The following COL17A1 variants were observed in gnomAD, a reference collection of about 807,000 sequenced individuals.
The protein encoded by COL17A1 is collagen type XVII alpha 1 chain, also known as collagen alpha-1(XVII) chain.
In COL17A1, 181 loss-of-function variants were observed where a neutral mutation model predicts 218.4. The ratio of observed to expected loss-of-function variants is 0.83; its 90% confidence interval spans 0.73 to 0.94. The LOEUF is 0.94. Among genes scored for constraint, COL17A1 ranks in the 40% least tolerant of loss-of-function variants. The pLI is 0.00. For missense variants in COL17A1, 1,924 were observed against 1,945.9 expected (o/e 0.99, Z 0.21); for synonymous variants, 721 against 731.0 (o/e 0.99, Z 0.22).
Position 104,046,777 on chromosome 10 carries a change from C to T in COL17A1, c.2336-4G>A. On this transcript the variant is annotated splice_polypyrimidine_tract_variant and splice_region_variant and intron_variant, in intron 31 of 55. Transcript: ENST00000648076. ...GGTCCCTGGGGTCCTGTGAGACCTG[C>T]AGAAAATCAGACACAAGAGGGAAGA... The T allele has an allele frequency of 2.5e-6, 4 of 1,613,786 alleles. No homozygotes were observed. The highest frequency in any genetic ancestry group is 3.4e-6 in the Non-Finnish European group (4 of 1,179,844).
chr10:104,034,378 G>T, intron 51 of COL17A1, 44 bp from the exon 52 acceptor site: 1 of 1,530,144 alleles, frequency 6.5e-7, no homozygotes, highest in South Asian at 1.2e-5. Context: ...AGATCTCGGT[G>T]GAGAGAAAGA....
In COL17A1 at chr10:104,056,996, G is replaced by C; in HGVS notation, c.1444C>G (p.Leu482Val). The C allele has an allele frequency of 6.3e-7, 1 of 1,584,444 alleles. No individual in the cohort carries two copies. Among genetic ancestry groups the C allele is most frequent in the Non-Finnish European group, 8.6e-7 (1 of 1,165,810 alleles). ...LLTWLLLLGL[L>V]FGLIALAEEV... The stretch of plus-strand genomic sequence containing the variant: ...GTACCCAGAGCAATGAGGCCGAAGA[G>C]CAGCCCCAGGAGTAGCAGCCAGGTG... Residue 482 changes from leucine (L) to valine (V), a missense_variant, in exon 17 of 56, where the codon CTC becomes GTC. Coordinates refer to ENST00000648076, the MANE Select transcript of COL17A1 (RefSeq NM_000494.4).
chr10:104,074,080 C>T, intron 6 of COL17A1, 104 bp downstream of exon 6: 1 of 1,566,118 alleles, frequency 6.4e-7, no homozygotes, highest in Non-Finnish European at 8.8e-7. Flanking sequence ...TTAGAAGAAT[C>T]CATTTAACTC....
At chr10:104,042,338 A>G in intron 36 of COL17A1, 82 bp downstream of exon 36, 2 of 1,448,192 alleles carry the variant, frequency 1.4e-6, no homozygotes, top group Non-Finnish European at 1.9e-6. Flanking sequence ...GTCATCTAGA[A>G]CAGAGAGGCC....
intron 23 of COL17A1, 136 bp downstream of exon 23, chr10:104,052,895 C>A (rs913362004): frequency 3.6e-6 from 4 of 1,115,540 alleles, no homozygotes; most frequent in Non-Finnish European, 5.4e-6. Context: ...CTAGCACAGA[C>A]CCTGACTCAG....
At chr10:104,057,266 G>T in intron 16 of COL17A1, 94 bp from the exon 17 acceptor site, 1 of 1,596,796 alleles carries the variant, frequency 6.3e-7, no homozygotes, top group Non-Finnish European at 8.6e-7. Context: ...TGGCCTGAGT[G>T]ACTACGACTG....
intron 12 of COL17A1, among the ~76,000 whole-genome samples, chr10:104,061,798 A>G (rs923886355): frequency 3.3e-5 from 5 of 152,052 alleles, no homozygotes; most frequent in Admixed American, 2.6e-4. Context: ...TCGTTGTCTC[A>G]TGTGTGTTAG....
chr10:104,069,466 G>C (rs949382720), intron 9 of COL17A1, among the ~76,000 whole-genome samples: 1 of 152,132 alleles, frequency 6.6e-6, no homozygotes, highest in Non-Finnish European at 1.5e-5. Flanking sequence ...GAAAGAATAA[G>C]TCAAATTCTC....
rs1044660711 is a variant in COL17A1 at position 104,085,810 on chromosome 10, G to T, written c.-99C>A. The T allele has an allele frequency of 6.6e-6, 1 of 152,536 alleles. No homozygotes were observed. Among genetic ancestry groups the T allele is most frequent in the Non-Finnish European group, 1.5e-5 (1 of 68,016 alleles). 9.4% of individuals were successfully genotyped at this position (152,536 alleles called of 1,614,324 possible). On this transcript the variant is annotated 5_prime_UTR_variant, in exon 1 of 56. Transcript: ENST00000648076. ...TCCTGATGTTTTCTTCTAGAAATTT[G>T]CAGTGCTCACTTTTTTTTTATCCAG...
In COL17A1 at chr10:104,064,714, T is replaced by TCAGGAACTTTCTCAGTC. The variant is rs2086612715; in HGVS notation, c.608-135_608-119dup. 7 of 947,622 alleles carry TCAGGAACTTTCTCAGTC rather than the reference T, an allele frequency of 7.4e-6. No homozygotes were observed. In the South Asian group the frequency reaches 8.4e-5, roughly 11 times the overall value. 58.7% of individuals were successfully genotyped at this position (947,622 alleles called of 1,614,324 possible). A position where few individuals can be genotyped will look rare whatever the true frequency, so the allele number is the denominator to read the frequency against. On this transcript the variant is annotated intron_variant, in intron 9 of 55. Transcript: ENST00000648076. ...GTTTGGGCATTGAAAGCCCCACATT[T>TCAGGAACTTTCTCAGTC]CAGGAACTTTCTCAGTCCAGGAACC...
At position 104,035,339 on chromosome 10, in the gene COL17A1, A is replaced by G. The variant is rs2086266637; in HGVS notation, c.3543T>C (p.Gly1181=). The G allele has an allele frequency of 6.2e-7, 1 of 1,614,010 alleles. No homozygotes were observed. Among genetic ancestry groups the G allele is most frequent in the African/African-American group, 1.3e-5 (1 of 74,922 alleles). ...CTGGGATCCCTGGTGGACCCGGGGG[A>G]CCTGGGGGTCCAACGATGCCTCTGA... is the stretch of plus-strand genomic sequence containing the variant. ...SEFRGIVGPP[G]PPGPPGIPGN... The change falls in exon 50 of 56, where the codon GGT becomes GGC. Residue 1181 remains glycine, a synonymous_variant. Transcript: ENST00000648076.
At chr10:104,052,499 A>G (rs2086479242) in intron 23 of COL17A1, among the ~76,000 whole-genome samples, 2 of 152,204 alleles carry the variant, frequency 1.3e-5, no homozygotes, top group South Asian at 4.1e-4. Context: ...CTTCCTGCTC[A>G]CAGTCTGTTA....
At chr10:104,036,433 C>T (rs999440204) in intron 48 of COL17A1, 59 bp downstream of exon 48, 11 of 1,609,218 alleles carry the variant, frequency 6.8e-6, no homozygotes, top group Admixed American at 6.7e-5. Context: ...GTTCACGCTG[C>T]GAGTCCTCAT....
intron 7 of COL17A1, 30 bp downstream of exon 7, chr10:104,073,180 A>G (rs2086682146): frequency 5.6e-6 from 9 of 1,605,186 alleles, no homozygotes; most frequent in Non-Finnish European, 7.7e-6. Context: ...TTGTTGAATG[A>G]ATTGGACTGA....
At chr10:104,080,277 T>A (rs2086753436) in intron 2 of COL17A1, among the ~76,000 whole-genome samples, 1 of 152,222 alleles carries the variant, frequency 6.6e-6, no homozygotes, top group African/African-American at 2.4e-5. Context: ...ATAACTAGGA[T>A]GTTATTCGTT....
intron 6 of COL17A1, chr10:104,073,921 A>C: frequency 2.2e-6 from 1 of 464,086 alleles, no homozygotes; most frequent in Non-Finnish European, 3.9e-6. Flanking sequence ...GGGCTTATCC[A>C]TCCAAGCCTG....
At chr10:104,081,268 C>T (rs761034707) in intron 1 of COL17A1, among the ~76,000 whole-genome samples, 3 of 152,174 alleles carry the variant, frequency 2.0e-5, no homozygotes, top group Admixed American at 6.5e-5. Flanking sequence ...TCACTATAAT[C>T]GGCTCTCATG....
At chr10:104,069,520 G>A (rs59320190) in intron 9 of COL17A1, among the ~76,000 whole-genome samples, 3,513 of 152,112 alleles carry the variant, frequency 0.023, 144 homozygotes, top group African/African-American at 0.08. Flanking sequence ...AAAATGCCTC[G>A]AATGTCTCCC....
chr10:104,056,917 G>T (rs1216127367), intron 17 of COL17A1, 58 bp downstream of exon 17: 19 of 1,548,852 alleles, frequency 1.2e-5, no homozygotes, highest in Non-Finnish European at 1.6e-5. Context: ...CTTCTGACAG[G>T]CAGTGGGGCT....
Sources: allele counts gnomAD v4.1 joint callset (sites outside exome capture counted in the v4.1 genomes callset), GRCh38; gene constraint gnomAD v4.1.1; transcripts MANE v1.5; gene names NCBI Gene and HGNC (gene_info 2026-07-23, HGNC 2026-07-21).